Variants in KRI1 observed in about 807,000 individuals in gnomAD.
The protein encoded by KRI1 is KRI1 homolog.
Under a neutral mutation model 97.0 loss-of-function variants are expected in KRI1, and 83 were observed. The ratio of observed to expected loss-of-function variants is 0.86; its 90% confidence interval spans 0.72 to 1.03. The LOEUF (loss-of-function observed/expected upper bound fraction) is 1.03. KRI1 is among the 50% of genes least tolerant of loss of function. The pLI is 0.00. For missense variants in KRI1, 916 were observed against 928.4 expected (o/e 0.99, Z 0.17); for synonymous variants, 371 against 363.5 (o/e 1.02, Z -0.23).
chr19:10,558,164 C>T lies in KRI1; in HGVS notation c.1270G>A (p.Asp424Asn), dbSNP rs368665480. 6.2e-7 allele frequency: 1 copy of T among 1,614,152 alleles called. No individual in the cohort carries two copies. Among genetic ancestry groups the T allele is most frequent in the Non-Finnish European group, 8.5e-7 (1 of 1,179,994 alleles). Reference sequence around the variant, plus strand: ...AGCCCAGTGCCCCAGCTGATCTCACCTTCAAGCCCTTCTTCTTCCTCAAAT... The same window carrying T: ...AGCCCAGTGCCCCAGCTGATCTCACTTTCAAGCCCTTCTTCTTCCTCAAAT... Reference protein sequence around the residue: ...PQFEEEEGLEDDWNWDTWDGP... With the variant: ...PQFEEEEGLENDWNWDTWDGP... Residue 424 changes from aspartate to asparagine, a missense_variant and splice_region_variant, in exon 13 of 19, where the codon GAC (aspartate) becomes AAC (asparagine). Transcript: ENST00000312962.
At chr19:10,560,072 C>T in intron 9 of KRI1, 136 bp from the exon 10 acceptor site, 1 of 1,260,852 alleles carries the variant, frequency 7.9e-7, no homozygotes, top group Non-Finnish European at 1.1e-6. Flanking sequence ...CTGCTATTGT[C>T]CTCATTTTAC....
At position 10,562,795 on chromosome 19, in the gene KRI1, T is replaced by G. The variant is rs1916739804; in HGVS notation, c.317A>C (p.Lys106Thr). 6.2e-7 allele frequency: 1 copy of G among 1,613,484 alleles called. No homozygotes were observed. Among genetic ancestry groups the G allele is most frequent in the South Asian group, 1.1e-5 (1 of 91,058 alleles). The part of the protein sequence containing the change: ...DSEEDPEALE[K>T]QKKVRPMYLK... ...GTACATGGGCCGCACTTTCTTCTGC[T>G]TCTCCAAGGCTTCTGGGTCCTCCTC... Residue 106 changes from lysine (K) to threonine (T), a missense_variant, in exon 4 of 19, where the codon AAG becomes ACG. This residue lies in a region of KRI1 where 173 missense variants were observed against 153.1 expected (regional missense o/e 1.13). Coordinates refer to ENST00000312962, the MANE Select transcript of KRI1 (RefSeq NM_023008.5).
chr19:10,559,647 T>A lies in KRI1; in HGVS notation c.989A>T (p.Glu330Val). ...SVRRKDERRK[E>V]KREETRERKK... ...TCGCTCCCGAGTCTCTTCCCTCTTC[T>A]CCTTTCTGCGCTCATCCTTACGGCG... The change falls in exon 11 of 19, where the codon GAG becomes GTG. Residue 330 changes from glutamate to valine, a missense_variant. Transcript: ENST00000312962. The A allele has an allele frequency of 1.2e-6, 2 of 1,613,886 alleles. No homozygotes were observed. Among genetic ancestry groups the A allele is most frequent in the Non-Finnish European group, 1.7e-6 (2 of 1,179,972 alleles).
rs764044856 is a variant in KRI1 at position 10,553,914 on chromosome 19, G to A, written c.*37C>T. ...GAGACCTGTCCAGGGCTTGATTTGA[G>A]GAGAGGAGCCTGAGGCCCCTGCCTG... On this transcript the variant is annotated 3_prime_UTR_variant, in exon 19 of 19. Transcript: ENST00000312962. The A allele has an allele frequency of 1.3e-5, 19 of 1,491,760 alleles. No individual in the cohort carries two copies. The East Asian group carries it at 3.3e-4, about 26-fold the overall frequency. 92.4% of individuals were successfully genotyped at this position (1,491,760 alleles called of 1,614,324 possible).
Position 10,559,473 on chromosome 19 carries a change from CTCCT to C in KRI1, c.1076_1079del (p.Lys359ArgfsTer12), listed in dbSNP as rs1464230018. The C allele has an allele frequency of 6.2e-7, 1 of 1,613,984 alleles. No individual in the cohort carries two copies. The highest frequency in any genetic ancestry group is 8.5e-7 in the Non-Finnish European group (1 of 1,180,040). On this transcript the variant is annotated frameshift_variant, in exon 12 of 19. Coordinates refer to ENST00000312962, the MANE Select transcript of KRI1 (RefSeq NM_023008.5). LOFTEE classifies it high-confidence loss of function. ...GCAGCTTCTCCAGCTTGGCCAGAAT[CTCCT>C]TCCTCTTCAGGTTCTTCAGCTGCTT...
At chr19:10,558,515 C>T (rs1435972263) in intron 12 of KRI1, among the ~76,000 whole-genome samples, 1 of 152,098 alleles carries the variant, frequency 6.6e-6, no homozygotes, top group Non-Finnish European at 1.5e-5. Flanking sequence ...CCTGTGGTGC[C>T]CACCACCTGG....
chr19:10,565,883 G>C, intron 1 of KRI1, 23 bp downstream of exon 1: 1 of 1,530,684 alleles, frequency 6.5e-7, no homozygotes, highest in Non-Finnish European at 8.8e-7. Flanking sequence ...GCAGGCTCCC[G>C]CGCGCATGCG....
chr19:10,554,745 C>T (rs921661670), intron 18 of KRI1, among the ~76,000 whole-genome samples: 1 of 152,156 alleles, frequency 6.6e-6, no homozygotes, highest in Non-Finnish European at 1.5e-5. Context: ...GCATCTATCA[C>T]CCCTGCCTTC....
intron 16 of KRI1, among the ~76,000 whole-genome samples, 153 bp from the exon 17 acceptor site, chr19:10,555,502 A>C (rs1219235476): frequency 6.6e-6 from 1 of 152,232 alleles, no homozygotes; most frequent in African/African-American, 2.4e-5. Context: ...TACAGAGGCC[A>C]ATGATTTTTG....
chr19:10,561,092 C>A lies in KRI1; in HGVS notation c.586-12G>T, dbSNP rs1314641903. 6.2e-7 allele frequency: 1 copy of A among 1,613,902 alleles called. No individual in the cohort carries two copies. Among genetic ancestry groups the A allele is most frequent in the Non-Finnish European group, 8.5e-7 (1 of 1,179,944 alleles). ...GCCTCCTCCTGGGCCTGGGGGAAAGCTAGCACTGAGCATCCGCAGATGCCC... is the reference window on the plus strand; with the variant it reads ...GCCTCCTCCTGGGCCTGGGGGAAAGATAGCACTGAGCATCCGCAGATGCCC... On this transcript the variant is annotated splice_polypyrimidine_tract_variant and intron_variant, in intron 7 of 18. Transcript: ENST00000312962.
chr19:10,562,486 A>G (rs1302144022), intron 4 of KRI1, among the ~76,000 whole-genome samples: 2 of 152,004 alleles, frequency 1.3e-5, no homozygotes, highest in African/African-American at 4.8e-5. Flanking sequence ...CTACAGGTAC[A>G]CATCATCATG....
At position 10,557,678 on chromosome 19, in the gene KRI1, G is replaced by A. The variant is rs1916547478; in HGVS notation, c.1491C>T (p.Asp497=). The A allele has an allele frequency of 6.2e-7, 1 of 1,614,018 alleles. No individual in the cohort carries two copies. The change falls in exon 16 of 19, where the codon GAC becomes GAT. Residue 497 remains aspartate, a synonymous_variant. Transcript: ENST00000312962. ...GQEKPVFEPG[D]KTFEEYLDEY... ...CATCCAGGTACTCCTCGAACGTCTT[G>A]TCCCCTGCTCGAGACAGAGCCAGGC...
At chr19:10,560,247 G>GC in intron 9 of KRI1, 65 bp downstream of exon 9, 1 of 1,509,264 alleles carries the variant, frequency 6.6e-7, no homozygotes, top group South Asian at 1.3e-5. Flanking sequence ...CCTGGCCAGT[G>GC]CCGCCTGGGA....
rs778411156 is a variant in KRI1, at chr19:10,554,021, G to A, written c.2042C>T (p.Pro681Leu). The A allele has an allele frequency of 8.7e-6, 14 of 1,614,108 alleles. No individual in the cohort carries two copies. The highest frequency in any genetic ancestry group is 2.7e-5 in the African/African-American group (2 of 75,064). Residue 681 changes from proline (P) to leucine (L), a missense_variant, in exon 19 of 19, where the codon CCC (proline) becomes CTC (leucine). Transcript: ENST00000312962. ...CAGCTGGCGGAAGTGCAGCCGTTTGGGGTTGAGGCCAAAGGCCTGCAGTCT... is the reference window on the plus strand; with the variant it reads ...CAGCTGGCGGAAGTGCAGCCGTTTGAGGTTGAGGCCAAAGGCCTGCAGTCT... ...RQRLQAFGLN[P>L]KRLHFRQLGR...
At chr19:10,559,581 G>T (rs996962880) in intron 11 of KRI1, 32 bp downstream of exon 11, 1 of 1,613,576 alleles carries the variant, frequency 6.2e-7, no homozygotes, top group Non-Finnish European at 8.5e-7. Flanking sequence ...CCAGGGCTGG[G>T]GGGTCCTCCC....
At chr19:10,554,668 C>T (rs1916440463) in intron 18 of KRI1, among the ~76,000 whole-genome samples, 1 of 152,060 alleles carries the variant, frequency 6.6e-6, no homozygotes, top group Non-Finnish European at 1.5e-5. Flanking sequence ...GCTTGAGTCT[C>T]CCAAAGTGCT....
At chr19:10,555,957 G>A (rs1916491120) in intron 16 of KRI1, among the ~76,000 whole-genome samples, 1 of 152,106 alleles carries the variant, frequency 6.6e-6, no homozygotes, top group African/African-American at 2.4e-5. Context: ...ATCAATTATT[G>A]TCTCACTTTA....
At position 10,559,612 on chromosome 19, in the gene KRI1, C is replaced by T. The variant is rs1392610973; in HGVS notation, c.1023+1G>A. The T allele has an allele frequency of 2.5e-6, 4 of 1,613,920 alleles. No individual in the cohort carries two copies. The African/African-American group carries it at 5.3e-5, about 22-fold the overall frequency. Reference sequence around the variant, plus strand: ...CTCCCCAGCTCACCCCCCACACTCACCCTCTTCTTTCGCTCCCGAGTCTCT... The same window carrying T: ...CTCCCCAGCTCACCCCCCACACTCATCCTCTTCTTTCGCTCCCGAGTCTCT... On this transcript the variant is annotated splice_donor_variant, in intron 11 of 18. Transcript: ENST00000312962. LOFTEE classifies it high-confidence loss of function.
Position 10,559,538 on chromosome 19 carries a change from C to T in KRI1, c.1024-9G>A. 1 of 1,613,938 alleles carries T rather than the reference C, an allele frequency of 6.2e-7. No individual in the cohort carries two copies. Among genetic ancestry groups the T allele is most frequent in the East Asian group, 2.2e-5 (1 of 44,878 alleles). On this transcript the variant is annotated splice_polypyrimidine_tract_variant and intron_variant, in intron 11 of 18. Coordinates refer to ENST00000312962, the MANE Select transcript of KRI1 (RefSeq NM_023008.5). Reference sequence around the variant, plus strand: ...TGCTTCTTTGCTTTCTCCTGCAGGCCCAGGCAGAGAGGGGGAGGGCATGGG... The same window carrying T: ...TGCTTCTTTGCTTTCTCCTGCAGGCTCAGGCAGAGAGGGGGAGGGCATGGG...
Sources: allele counts gnomAD v4.1 joint callset (sites outside exome capture counted in the v4.1 genomes callset), GRCh38; gene constraint gnomAD v4.1.1; regional missense constraint gnomAD v4.1.1; transcripts MANE v1.5; gene names NCBI Gene and HGNC (gene_info 2026-07-23, HGNC 2026-07-21).